PRUNE2: variants seen among roughly 807,000 people sequenced by gnomAD.
The protein encoded by PRUNE2 is prune homolog 2 with BCH domain, also known as protein prune homolog 2.
In PRUNE2, 164 loss-of-function variants were observed where a neutral mutation model predicts 252.0. That is an observed-to-expected ratio of 0.65 (90% CI 0.57 to 0.74). The LOEUF (loss-of-function observed/expected upper bound fraction) is 0.74, where lower values mean the gene tolerates loss of function less well. PRUNE2 is among the 30% of genes least tolerant of loss of function. The probability of loss-of-function intolerance (pLI) is 0.00; values close to 1 mark genes in which losing one functional copy is unlikely to be tolerated. For missense variants in PRUNE2, 3,495 were observed against 3,711.0 expected, an observed-to-expected ratio of 0.94 and a Z score of 1.51; for synonymous variants, 1,292 against 1,350.2, an observed-to-expected ratio of 0.96 and a Z score of 0.94.
At chr9:76,801,249 T>C (rs148812076) in intron 6 of PRUNE2, among the ~76,000 whole-genome samples, 1 of 152,144 alleles carries the variant, frequency 6.6e-6, no homozygotes, top group South Asian at 2.1e-4. Context: ...ATTTAAAAAC[T>C]TTTTTCTCTC....
chr9:76,707,464 T>A lies in PRUNE2; in HGVS notation c.4810A>T (p.Lys1604Ter), dbSNP rs755983520. ...EIVTKVKDLE[K>*]NRINEFEKSF... Reference sequence around the variant, plus strand: ...TTTTCAAACTCATTTATTCTGTTTTTCTCTAAATCCTTCACTTTGGTAACT... The same window carrying A: ...TTTTCAAACTCATTTATTCTGTTTTACTCTAAATCCTTCACTTTGGTAACT... Residue 1604 changes from lysine to a stop codon, truncating the protein, a stop_gained, in exon 8 of 19, where the codon AAA becomes TAA. Coordinates refer to ENST00000376718, the MANE Select transcript of PRUNE2 (RefSeq NM_015225.3). LOFTEE classifies it high-confidence loss of function. 2.5e-6 allele frequency: 4 copies of A among 1,613,934 alleles called. No homozygotes were observed. Among genetic ancestry groups the A allele is most frequent in the Non-Finnish European group, 3.4e-6 (4 of 1,179,864 alleles).
chr9:76,883,796 ATGTGACGT>A (rs539752308), intron 1 of PRUNE2, among the ~76,000 whole-genome samples: 1 of 152,300 alleles, frequency 6.6e-6, no homozygotes, highest in African/African-American at 2.4e-5. Flanking sequence ...TGCCCCTTCC[ATGTGACGT>A]TGTTGCTCCT....
At position 76,706,644 on chromosome 9, in the gene PRUNE2, T is replaced by A. The variant is rs1341866317; in HGVS notation, c.5630A>T (p.Glu1877Val). Residue 1877 changes from glutamate (E) to valine (V), a missense_variant, in exon 8 of 19, where the codon GAG becomes GTG. Transcript: ENST00000376718. ...PWGVPVQGDIEPVETHYTNPF... is the reference protein window; with the variant it reads ...PWGVPVQGDIVPVETHYTNPF... ...ATTAGTATAGTGTGTTTCCACGGGC[T>A]CAATATCACCCTGAACTGGTACTCC... The A allele has an allele frequency of 6.2e-7, 1 of 1,613,924 alleles. No homozygotes were observed. Among genetic ancestry groups the A allele is most frequent in the Admixed American group, 1.7e-5 (1 of 60,000 alleles).
intron 9 of PRUNE2, among the ~76,000 whole-genome samples, chr9:76,696,486 C>A (rs368347159): frequency 6.6e-6 from 1 of 152,156 alleles, no homozygotes; most frequent in African/African-American, 2.4e-5. Context: ...AGTGCAATGG[C>A]ATGATCTCGG....
rs566374830 is a variant in PRUNE2, at chr9:76,873,929, T to C, written c.37-19721A>G. ...ATTTTCCATACCATATGCTTATAAATGTTATTCTGCAGGGAACCAATTAAA... is the reference window on the plus strand; with the variant it reads ...ATTTTCCATACCATATGCTTATAAACGTTATTCTGCAGGGAACCAATTAAA... On this transcript the variant is annotated intron_variant, in intron 1 of 18. Coordinates refer to ENST00000376718, the MANE Select transcript of PRUNE2 (RefSeq NM_015225.3). 3.3e-5 allele frequency among the ~76,000 whole-genome samples: 5 copies of C among 152,320 alleles called. No individual in the cohort carries two copies. In the South Asian group the frequency reaches 6.2e-4, roughly 19 times the overall value.
At chr9:76,845,157 T>C (rs927823197) in intron 4 of PRUNE2, among the ~76,000 whole-genome samples, 4 of 152,214 alleles carry the variant, frequency 2.6e-5, no homozygotes, top group Admixed American at 6.5e-5. Context: ...CTGAATATCA[T>C]TGTTATCACT....
chr9:76,849,972 A>C (rs1038768552), intron 3 of PRUNE2, among the ~76,000 whole-genome samples: 4 of 152,214 alleles, frequency 2.6e-5, no homozygotes, highest in Non-Finnish European at 4.4e-5. Flanking sequence ...ATAAGAGAAG[A>C]AAAAGATATT....
intron 18 of PRUNE2, among the ~76,000 whole-genome samples, chr9:76,614,852 T>C (rs1316863254): frequency 6.6e-6 from 1 of 152,194 alleles, no homozygotes; most frequent in Non-Finnish European, 1.5e-5. Context: ...TTCAAAATGA[T>C]CCAGGGAGGT....
At chr9:76,793,295 GA>G (rs1264657659) in intron 6 of PRUNE2, among the ~76,000 whole-genome samples, 2 of 152,124 alleles carry the variant, frequency 1.3e-5, no homozygotes, top group African/African-American at 4.8e-5. Context: ...AAATAATAAT[GA>G]ACAATAAACA....
At chr9:76,787,833 T>G (rs75823867) in intron 6 of PRUNE2, among the ~76,000 whole-genome samples, 5,672 of 152,256 alleles carry the variant, frequency 0.037, 210 homozygotes, top group East Asian at 0.13. Flanking sequence ...CCCCGTCTAG[T>G]TGCACAGTGC....
At position 76,875,809 on chromosome 9, in the gene PRUNE2, C is replaced by T. The variant is rs73653240; in HGVS notation, c.37-21601G>A. Among the ~76,000 whole-genome samples, 409 of 152,356 alleles carry T rather than the reference C, an allele frequency of 2.7e-3. 3 individuals carry two copies. The highest frequency in any genetic ancestry group is 9.1e-3 in the African/African-American group (378 of 41,590). The stretch of plus-strand genomic sequence containing the variant: ...TCTCAACACCCAAGTCATACCACTG[C>T]TATCCATCCTTTCTTCCTATCTATG... On this transcript the variant is annotated intron_variant, in intron 1 of 18. Transcript: ENST00000376718.
At chr9:76,622,548 T>C (rs1234831525) in intron 17 of PRUNE2, among the ~76,000 whole-genome samples, 1 of 152,178 alleles carries the variant, frequency 6.6e-6, no homozygotes, top group Non-Finnish European at 1.5e-5. Flanking sequence ...TTCATAAATA[T>C]GTTATCATCC....
chr9:76,775,864 A>T (rs2053676769), intron 6 of PRUNE2, among the ~76,000 whole-genome samples: 1 of 152,204 alleles, frequency 6.6e-6, no homozygotes, highest in Non-Finnish European at 1.5e-5. Context: ...AGCTCGGACC[A>T]ACACCAAGTA....
intron 5 of PRUNE2, among the ~76,000 whole-genome samples, chr9:76,825,435 T>C (rs1282264481): frequency 1.3e-5 from 2 of 152,208 alleles, no homozygotes; most frequent in African/African-American, 4.8e-5. Context: ...GCCAACTTGC[T>C]TGCTGAAGCA....
intron 6 of PRUNE2, among the ~76,000 whole-genome samples, chr9:76,731,291 T>G (rs1379621506): frequency 1.1e-5 from 1 of 94,436 alleles, no homozygotes; most frequent in Non-Finnish European, 2.0e-5. Flanking sequence ...TCTATCTATC[T>G]ATCTATCTAT....
chr9:76,703,555 C>T lies in PRUNE2; in HGVS notation c.8058G>A (p.Leu2686=), dbSNP rs560094. 0.77 allele frequency: 1,247,890 copies of T among 1,613,288 alleles called. 484,624 individuals are homozygous for T. The highest frequency in any genetic ancestry group is 0.95 in the East Asian group (42,827 of 44,848). ...ILEEMKPLES[L]ALEEASGPVS... Reference sequence around the variant, plus strand: ...CTGGACCAGAGGCTTCCTCTAGTGCCAAAGATTCTAGAGGCTTCATTTCTT... The same window carrying T: ...CTGGACCAGAGGCTTCCTCTAGTGCTAAAGATTCTAGAGGCTTCATTTCTT... The change falls in exon 9 of 19, where the codon TTG becomes TTA. Residue 2686 remains leucine (L), a synonymous_variant. Coordinates refer to ENST00000376718, the MANE Select transcript of PRUNE2 (RefSeq NM_015225.3).
intron 6 of PRUNE2, among the ~76,000 whole-genome samples, chr9:76,773,733 C>T (rs1384324894): frequency 6.6e-6 from 1 of 152,102 alleles, no homozygotes; most frequent in African/African-American, 2.4e-5. Context: ...CGTGAGCCAC[C>T]GCACCCGGCC....
chr9:76,640,416 T>A (rs1842061246), intron 12 of PRUNE2, among the ~76,000 whole-genome samples: 1 of 152,196 alleles, frequency 6.6e-6, no homozygotes, highest in African/African-American at 2.4e-5. Flanking sequence ...TAATTTGAGG[T>A]AGTTGTATAC....
intron 4 of PRUNE2, among the ~76,000 whole-genome samples, chr9:76,845,502 A>T (rs2132442843): frequency 6.6e-6 from 1 of 152,274 alleles, no homozygotes; most frequent in Non-Finnish European, 1.5e-5. Flanking sequence ...GAGCGTTTTT[A>T]CCGACATTCA....
Sources: allele counts gnomAD v4.1 joint callset (sites outside exome capture counted in the v4.1 genomes callset), GRCh38; gene constraint gnomAD v4.1.1; transcripts MANE v1.5; gene names NCBI Gene and HGNC (gene_info 2026-07-23, HGNC 2026-07-21).